The following KMO variants were observed in gnomAD, a reference collection of about 807,000 sequenced individuals.
The protein encoded by KMO is kynurenine 3-monooxygenase.
In KMO, 24 loss-of-function variants were observed where a neutral mutation model predicts 57.8. The ratio of observed to expected loss-of-function variants is 0.42; its 90% confidence interval spans 0.30 to 0.58. KMO has a LOEUF of 0.58. Ranked by LOEUF, KMO falls within the 20% of genes least tolerant of loss-of-function variation. The pLI is 0.22. For missense variants in KMO, 483 were observed against 588.2 expected, an observed-to-expected ratio of 0.82 and a Z score of 1.85; for synonymous variants, 210 against 193.6, an observed-to-expected ratio of 1.08 and a Z score of -0.70.
intron 8 of KMO, 23 bp from the exon 9 acceptor site, chr1:241,566,467 AC>A (rs1558422910): frequency 6.3e-7 from 1 of 1,599,684 alleles, no homozygotes; most frequent in East Asian, 2.3e-5. Flanking sequence ...ATCCCCTTTC[AC>A]TCTGTTTCTC....
chr1:241,578,105 G>T lies in KMO; in HGVS notation c.958-8574G>T, dbSNP rs145771014. Among the ~76,000 whole-genome samples, 338 of 152,306 alleles carry T rather than the reference G, an allele frequency of 2.2e-3. 2 individuals carry two copies. The highest frequency in any genetic ancestry group is 7.9e-3 in the African/African-American group (327 of 41,596). On this transcript the variant is annotated intron_variant, in intron 10 of 14. Coordinates refer to ENST00000366559, the MANE Select transcript of KMO (RefSeq NM_003679.5). ...GGGTGCTCCCTCATGTGGGGCGGCA[G>T]TCACCCTGAAGTGTTCCTGAATGGC...
At position 241,586,047 on chromosome 1, in the gene KMO, T is replaced by C. The variant is rs539336808; in HGVS notation, c.958-632T>C. On this transcript the variant is annotated intron_variant, in intron 10 of 14. Coordinates refer to ENST00000366559, the MANE Select transcript of KMO (RefSeq NM_003679.5). ...AATTCTAAAACTTATGGTAGAGCAA[T>C]ATAATGATTTCTTCTTCTCAAAGAA... Among the ~76,000 whole-genome samples, 27 of 152,210 alleles carry C rather than the reference T, an allele frequency of 1.8e-4. No individual in the cohort carries two copies. In the South Asian group the frequency reaches 5.2e-3, roughly 29 times the overall value.
In KMO at chr1:241,564,826, T is replaced by C. The variant is rs545236635; in HGVS notation, c.616-161T>C. Among the ~76,000 whole-genome samples the C allele has an allele frequency of 7.2e-5, 11 of 152,280 alleles. No individual in the cohort carries two copies. The East Asian group carries it at 1.9e-3, about 27-fold the overall frequency. On this transcript the variant is annotated intron_variant, in intron 7 of 14. Transcript: ENST00000366559. ...GAGTTTATAAAGACAGAACACAAAG[T>C]GTTTTCTAAGACAACTTCTATTTTA...
At chr1:241,563,663 T>C (rs922349212) in intron 7 of KMO, among the ~76,000 whole-genome samples, 14 of 152,186 alleles carry the variant, frequency 9.2e-5, no homozygotes, top group African/African-American at 2.4e-4. Context: ...CTTGCTAAAG[T>C]AGATTTAAGA....
chr1:241,548,918 A>G lies in KMO; in HGVS notation c.124+20A>G. 1.3e-6 allele frequency: 2 copies of G among 1,557,118 alleles called. No individual in the cohort carries two copies. Among genetic ancestry groups the G allele is most frequent in the Non-Finnish European group, 8.9e-7 (1 of 1,129,130 alleles). On this transcript the variant is annotated intron_variant, in intron 2 of 14. Coordinates refer to ENST00000366559, the MANE Select transcript of KMO (RefSeq NM_003679.5). ...GGGAAGGTACGTCCATGGTGAAAAA[A>G]GCAGGATGAACGCTGGGCACGGTGG... is the stretch of plus-strand genomic sequence containing the variant.
chr1:241,594,803 A>G lies in KMO; in HGVS notation c.*2650A>G. ...TTTAAGTTGTTTTTTGTTTGTTAGCAGGTGTGGATGTGGGGTTATGTGGTC... is the reference window on the plus strand; with the variant it reads ...TTTAAGTTGTTTTTTGTTTGTTAGCGGGTGTGGATGTGGGGTTATGTGGTC... On this transcript the variant is annotated 3_prime_UTR_variant, in exon 15 of 15. Transcript: ENST00000366559. The G allele has an allele frequency of 7.9e-7, 1 of 1,261,608 alleles. No homozygotes were observed. The highest frequency in any genetic ancestry group is 2.4e-5 in the East Asian group (1 of 42,050). 78.2% of individuals were successfully genotyped at this position (1,261,608 alleles called of 1,614,324 possible).
At chr1:241,548,569 C>A (rs138071913) in intron 1 of KMO, among the ~76,000 whole-genome samples, 87 of 145,936 alleles carry the variant, frequency 6.0e-4, no homozygotes, top group Non-Finnish European at 1.0e-3. Context: ...TTGAAAATTA[C>A]CTCACTATAA....
intron 7 of KMO, among the ~76,000 whole-genome samples, chr1:241,562,890 GGAA>G (rs1558421317): frequency 5.2e-4 from 44 of 85,320 alleles, no homozygotes; most frequent in South Asian, 8.4e-4. Flanking sequence ...AAGGAAGGAA[GGAA>G]GGAAGGAAGG....
chr1:241,589,508 G>A (rs1469123413), intron 12 of KMO, among the ~76,000 whole-genome samples: 1 of 152,136 alleles, frequency 6.6e-6, no homozygotes, highest in Non-Finnish European at 1.5e-5. Flanking sequence ...CATCAGATGT[G>A]GTAGAGGATA....
intron 1 of KMO, among the ~76,000 whole-genome samples, chr1:241,542,803 C>G (rs73136849): frequency 0.047 from 7,146 of 152,276 alleles, 230 homozygotes; most frequent in African/African-American, 0.087. Context: ...TTTCTTTCCA[C>G]TTATATATTT....
intron 10 of KMO, among the ~76,000 whole-genome samples, chr1:241,579,845 A>C (rs1312223668): frequency 6.6e-6 from 1 of 152,170 alleles, no homozygotes. Flanking sequence ...AGCTTCTCTC[A>C]ACCTGTGACT....
intron 10 of KMO, among the ~76,000 whole-genome samples, chr1:241,573,757 C>T (rs1573929734): frequency 6.6e-6 from 1 of 151,912 alleles, no homozygotes; most frequent in African/African-American, 2.4e-5. Flanking sequence ...TTTTTTGTCC[C>T]CTATGAGCCT....
intron 7 of KMO, among the ~76,000 whole-genome samples, chr1:241,564,378 T>C (rs1435570380): frequency 1.3e-5 from 2 of 152,142 alleles, no homozygotes; most frequent in Non-Finnish European, 2.9e-5. Context: ...AGGCTGTTAT[T>C]GTATTAATAG....
intron 1 of KMO, among the ~76,000 whole-genome samples, chr1:241,534,325 A>G (rs987898795): frequency 2.6e-5 from 4 of 152,152 alleles, no homozygotes; most frequent in African/African-American, 9.7e-5. Context: ...GAGATAACAA[A>G]TATGTGATTG....
intron 1 of KMO, among the ~76,000 whole-genome samples, chr1:241,535,194 C>G (rs1429478870): frequency 6.6e-6 from 1 of 151,974 alleles, no homozygotes; most frequent in African/African-American, 2.4e-5. Context: ...TAGAGCAATT[C>G]AAGAAGGTTA....
intron 4 of KMO, among the ~76,000 whole-genome samples, chr1:241,553,163 C>T (rs1661476014): frequency 6.6e-6 from 1 of 152,100 alleles, no homozygotes; most frequent in Admixed American, 6.5e-5. Flanking sequence ...CTTTATAGCG[C>T]TTGACTTGTT....
chr1:241,565,518 C>A (rs1662039864), intron 8 of KMO, among the ~76,000 whole-genome samples: 1 of 143,238 alleles, frequency 7.0e-6, no homozygotes, highest in South Asian at 2.2e-4. Flanking sequence ...CTCAGGAGTT[C>A]AAGACTGATG....
rs1470779806 is a variant in KMO at position 241,593,350 on chromosome 1, T to C, written c.*1197T>C. Reference sequence around the variant, plus strand: ...TTAGTGAAATGTTTTCTTTGGTTCATCCTTCTTTAACAGGCTGCTGAGTCA... The same window carrying C: ...TTAGTGAAATGTTTTCTTTGGTTCACCCTTCTTTAACAGGCTGCTGAGTCA... On this transcript the variant is annotated 3_prime_UTR_variant, in exon 15 of 15. Transcript: ENST00000366559. The C allele has an allele frequency of 4.6e-6, 2 of 435,268 alleles. No individual in the cohort carries two copies. The highest frequency in any genetic ancestry group is 9.9e-6 in the Non-Finnish European group (2 of 201,236). 27.0% of individuals were successfully genotyped at this position (435,268 alleles called of 1,614,324 possible).
chr1:241,590,352 A>G, intron 14 of KMO, 89 bp downstream of exon 14: 1 of 1,071,370 alleles, frequency 9.3e-7, no homozygotes, highest in South Asian at 1.3e-5. Context: ...ACAAATACAG[A>G]AATAATGGGA....
Sources: allele counts gnomAD v4.1 joint callset (sites outside exome capture counted in the v4.1 genomes callset), GRCh38; gene constraint gnomAD v4.1.1; transcripts MANE v1.5; gene names NCBI Gene and HGNC (gene_info 2026-07-23, HGNC 2026-07-21).